PAX7: variants seen among roughly 807,000 people sequenced by gnomAD.
PAX7 encodes paired box protein Pax-7.
Under a neutral mutation model 50.7 loss-of-function variants are expected in PAX7, and 18 were observed. That is an observed-to-expected ratio of 0.36 (90% CI 0.25 to 0.53). PAX7 has a LOEUF of 0.53. Among genes scored for constraint, PAX7 ranks in the 20% least tolerant of loss-of-function variants. PAX7 has a pLI of 0.93. For synonymous variants in PAX7, 310 were observed against 290.4 expected, an observed-to-expected ratio of 1.07 and a Z score of -0.69; for missense variants, 644 against 702.9, an observed-to-expected ratio of 0.92 and a Z score of 0.95.
intron 8 of PAX7, among the ~76,000 whole-genome samples, chr1:18,743,741 A>G (rs1472962691): frequency 1.3e-5 from 2 of 152,230 alleles, no homozygotes; most frequent in African/African-American, 4.8e-5. Flanking sequence ...ACACTTGTAC[A>G]TGCAGGTCAA....
At chr1:18,648,565 A>G (rs1357000886) in intron 4 of PAX7, among the ~76,000 whole-genome samples, 2 of 151,430 alleles carry the variant, frequency 1.3e-5, no homozygotes, top group African/African-American at 2.4e-5. Context: ...CTGTTCTGGA[A>G]CTCTTGGACT....
At position 18,664,381 on chromosome 1, in the gene PAX7, C is replaced by T. The variant is rs1218117651; in HGVS notation, c.587-27373C>T. Among the ~76,000 whole-genome samples, 5 of 152,212 alleles carry T rather than the reference C, an allele frequency of 3.3e-5. No homozygotes were observed. In the East Asian group the frequency reaches 9.6e-4, roughly 29 times the overall value. On this transcript the variant is annotated intron_variant, in intron 4 of 8. Coordinates refer to ENST00000420770, the MANE Select transcript of PAX7 (RefSeq NM_001135254.2). ...TCCCAACTGTTGAAAGTCTTCCAAACCTCGGGGAGGCCGGGAGGCGTAACA... is the reference window on the plus strand; with the variant it reads ...TCCCAACTGTTGAAAGTCTTCCAAATCTCGGGGAGGCCGGGAGGCGTAACA...
chr1:18,657,949 C>A (rs1209472849), intron 4 of PAX7, among the ~76,000 whole-genome samples: 1 of 152,162 alleles, frequency 6.6e-6, no homozygotes, highest in Admixed American at 6.5e-5. Context: ...GGCGACTGAG[C>A]AGTCAGTATA....
At chr1:18,672,785 TG>T (rs762981082) in intron 4 of PAX7, among the ~76,000 whole-genome samples, 23 of 151,902 alleles carry the variant, frequency 1.5e-4, no homozygotes, top group Non-Finnish European at 2.8e-4. Flanking sequence ...TTTGTAGTTT[TG>T]GTAGAGAGGG....
chr1:18,673,878 C>G (rs1470492623), intron 4 of PAX7, among the ~76,000 whole-genome samples: 1 of 152,160 alleles, frequency 6.6e-6, no homozygotes, highest in Admixed American at 6.5e-5. Context: ...AGGGGGAATT[C>G]GACGGAATAT....
At position 18,691,908 on chromosome 1, in the gene PAX7, C is replaced by T. The variant is rs148641282; in HGVS notation, c.741C>T (p.Arg247=). ...ERTHYPDIYT[R]EELAQRTKLT... ...CCCACTACCCAGACATATACACCCG[C>T]GAGGAGCTGGCGCAGAGGACCAAGC... Residue 247 remains arginine (R), a synonymous_variant, in exon 5 of 9, where the codon CGC becomes CGT. Coordinates refer to ENST00000420770, the MANE Select transcript of PAX7 (RefSeq NM_001135254.2). The T allele has an allele frequency of 3.0e-5, 48 of 1,613,974 alleles. No individual in the cohort carries two copies. The highest frequency in any genetic ancestry group is 2.0e-4 in the African/African-American group (15 of 75,044).
Position 18,745,013 on chromosome 1 carries a change from C to T in PAX7, c.*84C>T. Reference sequence around the variant, plus strand: ...GCTTCCCAGCCTTGCCGCCTCACCCCCCTGTTGTCCTAGGAGGCCAGGAAA... The same window carrying T: ...GCTTCCCAGCCTTGCCGCCTCACCCTCCTGTTGTCCTAGGAGGCCAGGAAA... On this transcript the variant is annotated 3_prime_UTR_variant, in exon 9 of 9. Transcript: ENST00000420770. 2.6e-6 allele frequency: 2 copies of T among 784,090 alleles called. No homozygotes were observed. Among genetic ancestry groups the T allele is most frequent in the South Asian group, 1.6e-5 (1 of 62,014 alleles). 48.6% of individuals were successfully genotyped at this position (784,090 alleles called of 1,614,324 possible).
intron 4 of PAX7, among the ~76,000 whole-genome samples, chr1:18,667,580 G>T (rs1045307205): frequency 6.6e-6 from 1 of 152,108 alleles, no homozygotes; most frequent in African/African-American, 2.4e-5. Context: ...TGGAGGATGC[G>T]GTGGAGGGAT....
chr1:18,742,406 T>C (rs1384393267), intron 8 of PAX7, among the ~76,000 whole-genome samples: 2 of 152,178 alleles, frequency 1.3e-5, no homozygotes, highest in Admixed American at 6.5e-5. Context: ...TCCACCCACC[T>C]TGGCCTCCCA....
At position 18,703,245 on chromosome 1, in the gene PAX7, G is replaced by C. The variant is rs375331925; in HGVS notation, c.1104G>C (p.Pro368=). 1 of 1,614,146 alleles carries C rather than the reference G, an allele frequency of 6.2e-7. No individual in the cohort carries two copies. Among genetic ancestry groups the C allele is most frequent in the Non-Finnish European group, 8.5e-7 (1 of 1,179,992 alleles). The part of the protein sequence containing the change: ...FSSYSDSFMN[P]AAPSNHMNPV... Reference sequence around the variant, plus strand: ...GCTACTCTGACAGCTTCATGAATCCGGCGGCGCCCTCCAACCACATGAACC... The same window carrying C: ...GCTACTCTGACAGCTTCATGAATCCCGCGGCGCCCTCCAACCACATGAACC... The change falls in exon 7 of 9, where the codon CCG becomes CCC. Residue 368 remains proline, a synonymous_variant. Transcript: ENST00000420770.
At chr1:18,644,825 TC>T (rs1208726432) in intron 4 of PAX7, among the ~76,000 whole-genome samples, 2 of 152,104 alleles carry the variant, frequency 1.3e-5, no homozygotes, top group Non-Finnish European at 2.9e-5. Flanking sequence ...TGTACTATGC[TC>T]CCCCTTTTAC....
intron 8 of PAX7, 121 bp from the exon 9 acceptor site, chr1:18,744,693 G>GATAA (rs1553145058): frequency 0.28 from 89,974 of 320,684 alleles, 7,871 homozygotes; most frequent in African/African-American, 0.32. Context: ...TGGATAAATG[G>GATAA]ATGGATGGAT....
intron 4 of PAX7, among the ~76,000 whole-genome samples, chr1:18,689,153 C>T (rs2089020344): frequency 6.6e-6 from 1 of 152,146 alleles, no homozygotes. Context: ...ATCTGGTGCC[C>T]CACTCCCCAT....
At chr1:18,640,835 C>T (rs906957147) in intron 4 of PAX7, among the ~76,000 whole-genome samples, 2 of 35,556 alleles carry the variant, frequency 5.6e-5, no homozygotes, top group South Asian at 1.7e-3. Context: ...AGGGGCGCGC[C>T]GGGCCGGGGG....
chr1:18,748,442 C>A lies in PAX7; in HGVS notation c.*3513C>A. On this transcript the variant is annotated 3_prime_UTR_variant, in exon 9 of 9. Coordinates refer to ENST00000420770, the MANE Select transcript of PAX7 (RefSeq NM_001135254.2). The stretch of plus-strand genomic sequence containing the variant: ...CTCTCCTCCCCTCCTGCAGAGGCAC[C>A]AAAACCAAGACCAAATGGGGGTTCT... 1 of 232,080 alleles carries A rather than the reference C, an allele frequency of 4.3e-6. No individual in the cohort carries two copies. Among genetic ancestry groups the A allele is most frequent in the African/African-American group, 2.2e-5 (1 of 45,374 alleles). 14.4% of individuals were successfully genotyped at this position (232,080 alleles called of 1,614,324 possible).
At chr1:18,667,121 C>T (rs2088680139) in intron 4 of PAX7, among the ~76,000 whole-genome samples, 1 of 152,106 alleles carries the variant, frequency 6.6e-6, no homozygotes, top group East Asian at 1.9e-4. Flanking sequence ...ACAGCTTCTC[C>T]CTTGCTCACC....
chr1:18,688,213 A>G (rs972449323), intron 4 of PAX7, among the ~76,000 whole-genome samples: 2 of 152,250 alleles, frequency 1.3e-5, no homozygotes, highest in South Asian at 4.1e-4. Context: ...AATGAGTATC[A>G]TTTCCTGTAA....
chr1:18,746,608 T>C lies in PAX7; in HGVS notation c.*1679T>C, dbSNP rs1354016594. On this transcript the variant is annotated 3_prime_UTR_variant, in exon 9 of 9. Transcript: ENST00000420770. ...ATTCACAAACATTGGACCAAACTGT[T>C]TGTCCCCATCTGGGTTCATGAGGCC... The C allele has an allele frequency of 4.3e-6, 1 of 231,172 alleles. No homozygotes were observed. The allele number at this position is 231,172 out of a possible 1,614,324, so 14.3% of individuals were successfully genotyped here.
intron 6 of PAX7, among the ~76,000 whole-genome samples, chr1:18,702,249 G>A (rs985704400): frequency 5.3e-5 from 8 of 152,258 alleles, no homozygotes; most frequent in Admixed American, 1.3e-4. Flanking sequence ...TGAGGCAGGG[G>A]AATCGCTTGA....
Sources: gnomAD v4.1 joint callset for allele counts (sites outside exome capture counted in the v4.1 genomes callset) on GRCh38, gnomAD v4.1.1 for gene constraint, MANE v1.5 for transcripts, NCBI Gene and HGNC (gene_info 2026-07-23, HGNC 2026-07-21) for gene names.